Variants in FCHSD2 observed in about 807,000 individuals in gnomAD.
FCHSD2 encodes F-BAR and double SH3 domains protein 2.
In FCHSD2, 38 loss-of-function variants were observed where a neutral mutation model predicts 108.1. That is an observed-to-expected ratio of 0.35 (90% CI 0.27 to 0.46). The LOEUF is 0.46. Among genes scored for constraint, FCHSD2 ranks in the 20% least tolerant of loss-of-function variants. The pLI is 1.00. For missense variants in FCHSD2, 751 were observed against 897.8 expected (o/e 0.84, Z 2.09); for synonymous variants, 279 against 314.7 (o/e 0.89, Z 1.20).
intron 18 of FCHSD2, 67 bp downstream of exon 18, chr11:72,841,387 C>A: frequency 2.1e-6 from 3 of 1,401,636 alleles, no homozygotes; most frequent in Admixed American, 2.5e-5. Flanking sequence ...TTTTTTTGCC[C>A]TTCAGGCGAA....
At chr11:73,035,026 G>C (rs888000809) in intron 3 of FCHSD2, among the ~76,000 whole-genome samples, 2 of 152,160 alleles carry the variant, frequency 1.3e-5, no homozygotes, top group Admixed American at 1.3e-4. Context: ...AAACTTCACA[G>C]GTGATTCTGA....
intron 9 of FCHSD2, among the ~76,000 whole-genome samples, chr11:72,908,590 TATA>T (rs553481779): frequency 2.1e-3 from 321 of 152,330 alleles, no homozygotes; most frequent in Non-Finnish European, 1.6e-3. Context: ...ACTAGGATGA[TATA>T]ATATCTTACT....
At chr11:72,940,640 C>G (rs891850419) in intron 8 of FCHSD2, 1 of 1,444,860 alleles carries the variant, frequency 6.9e-7, no homozygotes, top group African/African-American at 1.4e-5. Flanking sequence ...CCTGATAAAG[C>G]GCGCCGACCA....
At chr11:73,076,249 C>T (rs77396132) in intron 3 of FCHSD2, among the ~76,000 whole-genome samples, 3,388 of 152,138 alleles carry the variant, frequency 0.022, 130 homozygotes, top group African/African-American at 0.076. Context: ...CAGCATTATA[C>T]CTAATAACCA....
At chr11:72,985,469 C>T (rs575845630) in intron 6 of FCHSD2, among the ~76,000 whole-genome samples, 2 of 151,616 alleles carry the variant, frequency 1.3e-5, no homozygotes, top group Non-Finnish European at 2.9e-5. Flanking sequence ...CAACTTCATA[C>T]ACTTTAGTTC....
At chr11:72,888,876 C>G (rs1855254895) in intron 11 of FCHSD2, among the ~76,000 whole-genome samples, 1 of 152,196 alleles carries the variant, frequency 6.6e-6, no homozygotes, top group Non-Finnish European at 1.5e-5. Context: ...CTTGCCTCAG[C>G]CTCCCAAAGT....
chr11:72,873,557 T>C (rs1488165007), intron 12 of FCHSD2, among the ~76,000 whole-genome samples: 4 of 152,208 alleles, frequency 2.6e-5, no homozygotes, highest in Non-Finnish European at 4.4e-5. Flanking sequence ...GATAGTGTCA[T>C]TTGAAACATG....
At chr11:72,992,426 C>T (rs2135408249) in intron 5 of FCHSD2, among the ~76,000 whole-genome samples, 1 of 152,200 alleles carries the variant, frequency 6.6e-6, no homozygotes, top group South Asian at 2.1e-4. Flanking sequence ...TCATATGGAA[C>T]CAAAAAAGAG....
At chr11:72,868,321 G>C (rs1040246953) in intron 12 of FCHSD2, among the ~76,000 whole-genome samples, 21 of 152,122 alleles carry the variant, frequency 1.4e-4, no homozygotes, top group African/African-American at 4.3e-4. Flanking sequence ...ACACATGAGT[G>C]GGGGAGAACA....
At chr11:73,044,277 G>A (rs1382516700) in intron 3 of FCHSD2, among the ~76,000 whole-genome samples, 1 of 152,036 alleles carries the variant, frequency 6.6e-6, no homozygotes, top group Non-Finnish European at 1.5e-5. Context: ...AAAAACTTAT[G>A]AATATTTCCA....
At chr11:72,942,530 A>G (rs940420385) in intron 8 of FCHSD2, among the ~76,000 whole-genome samples, 1 of 152,216 alleles carries the variant, frequency 6.6e-6, no homozygotes, top group Admixed American at 6.5e-5. Context: ...ATGCCTAGGA[A>G]AGATTAGAAG....
chr11:73,076,670 G>A (rs951140368), intron 3 of FCHSD2, among the ~76,000 whole-genome samples: 1 of 152,204 alleles, frequency 6.6e-6, no homozygotes, highest in Non-Finnish European at 1.5e-5. Flanking sequence ...ACTTAAGATT[G>A]ATGAATCATT....
chr11:72,863,730 T>C (rs921463234), intron 13 of FCHSD2, among the ~76,000 whole-genome samples: 2 of 152,026 alleles, frequency 1.3e-5, no homozygotes, highest in Admixed American at 6.5e-5. Context: ...AATAAACATA[T>C]GAAAAGATGA....
At chr11:73,114,450 G>A (rs1438656246) in intron 2 of FCHSD2, among the ~76,000 whole-genome samples, 1 of 152,062 alleles carries the variant, frequency 6.6e-6, no homozygotes, top group African/African-American at 2.4e-5. Flanking sequence ...TGATACCTGA[G>A]GTGCAAAACT....
chr11:72,992,327 A>G (rs372436241), intron 5 of FCHSD2, among the ~76,000 whole-genome samples: 5 of 152,162 alleles, frequency 3.3e-5, no homozygotes, highest in Non-Finnish European at 7.4e-5. Flanking sequence ...CGTGAAAATG[A>G]CCATACTGCC....
intron 8 of FCHSD2, among the ~76,000 whole-genome samples, chr11:72,974,784 A>G (rs775784544): frequency 6.6e-6 from 1 of 152,022 alleles, no homozygotes; most frequent in Non-Finnish European, 1.5e-5. Context: ...TCAAATGATT[A>G]CTCTCTCCAA....
At chr11:73,005,539 C>T (rs1442432344) in intron 4 of FCHSD2, among the ~76,000 whole-genome samples, 1 of 152,258 alleles carries the variant, frequency 6.6e-6, no homozygotes, top group Non-Finnish European at 1.5e-5. Flanking sequence ...CTTCATCTCA[C>T]TGTCCCATAA....
chr11:73,036,106 T>C (rs549349834), intron 3 of FCHSD2, among the ~76,000 whole-genome samples: 84 of 152,202 alleles, frequency 5.5e-4, no homozygotes, highest in African/African-American at 1.9e-3. Context: ...AGGCTAAGAG[T>C]AGACTGGCTT....
intron 8 of FCHSD2, among the ~76,000 whole-genome samples, chr11:72,957,355 A>T (rs1856733993): frequency 6.6e-6 from 1 of 151,244 alleles, no homozygotes; most frequent in Non-Finnish European, 1.5e-5. Flanking sequence ...CCTATAAAGG[A>T]CATGAACTCA....
Sources: allele counts gnomAD v4.1 joint callset (sites outside exome capture counted in the v4.1 genomes callset), GRCh38; gene constraint gnomAD v4.1.1; transcripts MANE v1.5; gene names NCBI Gene and HGNC (gene_info 2026-07-23, HGNC 2026-07-21).